The following SHANK2 variants were observed in gnomAD, a reference collection of about 807,000 sequenced individuals.
SHANK2 encodes the protein SH3 and multiple ankyrin repeat domains protein 2.
In SHANK2, 43 loss-of-function variants were observed where a neutral mutation model predicts 133.7. The ratio of observed to expected loss-of-function variants is 0.32; its 90% CI spans 0.25 to 0.41. The LOEUF (loss-of-function observed/expected upper bound fraction) is 0.41. Ranked by LOEUF, SHANK2 falls within the 10% of genes least tolerant of loss-of-function variation. The pLI is 1.00. For synonymous variants in SHANK2, 1,017 were observed against 952.8 expected (o/e 1.07, Z -1.24); for missense variants, 1,994 against 2,235.8 (o/e 0.89, Z 2.18).
At chr11:71,195,570 G>C (rs948768588) in intron 2 of SHANK2, among the ~76,000 whole-genome samples, 7 of 152,088 alleles carry the variant, frequency 4.6e-5, no homozygotes, top group Non-Finnish European at 1.0e-4. Flanking sequence ...CAATTAATAA[G>C]GATTATTTAC....
chr11:70,496,170 T>C (rs1209936410), intron 21 of SHANK2, among the ~76,000 whole-genome samples: 2 of 152,064 alleles, frequency 1.3e-5, no homozygotes, highest in African/African-American at 4.8e-5. Context: ...TCTGCTGTGC[T>C]GTTGGCCATG....
At chr11:70,677,956 T>A (rs1269104669) in intron 15 of SHANK2, among the ~76,000 whole-genome samples, 1 of 152,194 alleles carries the variant, frequency 6.6e-6, no homozygotes, top group African/African-American at 2.4e-5. Context: ...TCCACTGGCA[T>A]CCTCACTGCC....
intron 17 of SHANK2, among the ~76,000 whole-genome samples, chr11:70,595,310 C>G (rs2060384857): frequency 6.6e-6 from 1 of 152,202 alleles, no homozygotes; most frequent in South Asian, 2.1e-4. Context: ...CCTCCAAGCG[C>G]CCCCTCGCAG....
At chr11:71,100,746 A>T (rs561339410) in intron 6 of SHANK2, among the ~76,000 whole-genome samples, 1 of 152,186 alleles carries the variant, frequency 6.6e-6, no homozygotes, top group South Asian at 2.1e-4. Flanking sequence ...ACACGCCTGT[A>T]GTCCCAGCTA....
At chr11:71,115,595 T>C (rs927488606) in intron 4 of SHANK2, among the ~76,000 whole-genome samples, 2 of 152,212 alleles carry the variant, frequency 1.3e-5, no homozygotes, top group Non-Finnish European at 2.9e-5. Context: ...CACTGCTCCA[T>C]GAACACTTCC....
At chr11:70,845,178 G>A (rs1359990092) in intron 11 of SHANK2, among the ~76,000 whole-genome samples, 12 of 116,880 alleles carry the variant, frequency 1.0e-4, no homozygotes, top group African/African-American at 4.0e-4. Context: ...CAGCCTGGGT[G>A]ACAGAGCAAG....
chr11:70,596,194 C>T (rs901363988), intron 17 of SHANK2, among the ~76,000 whole-genome samples: 42 of 152,186 alleles, frequency 2.8e-4, no homozygotes, highest in African/African-American at 8.2e-4. Flanking sequence ...GCAGCCCAGG[C>T]GAGCCCCCTT....
chr11:70,858,424 C>T (rs964428706), intron 11 of SHANK2, among the ~76,000 whole-genome samples: 16 of 152,182 alleles, frequency 1.1e-4, no homozygotes, highest in African/African-American at 3.9e-4. Flanking sequence ...TAGTCTTTGC[C>T]ATCCACTCAG....
chr11:70,955,589 G>A (rs915374260), intron 10 of SHANK2, among the ~76,000 whole-genome samples: 1 of 152,164 alleles, frequency 6.6e-6, no homozygotes, highest in Non-Finnish European at 1.5e-5. Flanking sequence ...TTATTTTAAG[G>A]GATTGGTTTA....
chr11:70,630,299 A>AG, intron 17 of SHANK2, among the ~76,000 whole-genome samples: 1 of 152,314 alleles, frequency 6.6e-6, no homozygotes, highest in Non-Finnish European at 1.5e-5. Context: ...GTCAGCCCCC[A>AG]GGACAGGAAC....
At chr11:70,643,356 G>A (rs2061212909) in intron 17 of SHANK2, among the ~76,000 whole-genome samples, 1 of 152,160 alleles carries the variant, frequency 6.6e-6, no homozygotes, top group Non-Finnish European at 1.5e-5. Flanking sequence ...GAGGTCAGGA[G>A]ATCAAGACCA....
chr11:70,720,625 G>A (rs1026176102), intron 14 of SHANK2, among the ~76,000 whole-genome samples: 1 of 152,214 alleles, frequency 6.6e-6, no homozygotes, highest in Non-Finnish European at 1.5e-5. Context: ...AGTTGTTTAC[G>A]CTGTTCTTGG....
intron 3 of SHANK2, among the ~76,000 whole-genome samples, chr11:71,127,353 C>G (rs143948794): frequency 6.6e-6 from 1 of 152,202 alleles, no homozygotes; most frequent in East Asian, 1.9e-4. Context: ...TAAAGCAGTG[C>G]AGGGTTTGAG....
chr11:70,555,984 A>G (rs2059823455), intron 17 of SHANK2, among the ~76,000 whole-genome samples: 1 of 152,244 alleles, frequency 6.6e-6, no homozygotes, highest in African/African-American at 2.4e-5. Context: ...GTTGAAGGAA[A>G]GAAGCCATAT....
At chr11:70,885,430 C>A (rs1233487981) in intron 11 of SHANK2, among the ~76,000 whole-genome samples, 1 of 152,230 alleles carries the variant, frequency 6.6e-6, no homozygotes, top group Admixed American at 6.5e-5. Context: ...GTGGGACACA[C>A]TTCCCAGCAG....
At chr11:71,132,464 C>A (rs1389441796) in intron 3 of SHANK2, among the ~76,000 whole-genome samples, 10 of 152,144 alleles carry the variant, frequency 6.6e-5, no homozygotes, top group African/African-American at 2.4e-4. Flanking sequence ...TGTAGTAATT[C>A]CAGACCAAAG....
At chr11:70,939,373 G>T (rs1292388077) in intron 10 of SHANK2, among the ~76,000 whole-genome samples, 1 of 152,150 alleles carries the variant, frequency 6.6e-6, no homozygotes, top group African/African-American at 2.4e-5. Context: ...AGCTACTCGG[G>T]AGGCTGAGGA....
intron 14 of SHANK2, among the ~76,000 whole-genome samples, chr11:70,778,993 T>G (rs1947426811): frequency 6.6e-6 from 1 of 151,974 alleles, no homozygotes; most frequent in Admixed American, 6.6e-5. Context: ...ACAGGGTTGG[T>G]ACCCAGCATT....
chr11:71,070,043 A>G (rs2135964647), intron 9 of SHANK2, among the ~76,000 whole-genome samples: 2 of 152,340 alleles, frequency 1.3e-5, no homozygotes, highest in Admixed American at 1.3e-4. Context: ...CTCAGGAAGG[A>G]AAGAAGCTTT....
Sources: allele counts gnomAD v4.1 joint callset (sites outside exome capture counted in the v4.1 genomes callset), GRCh38; gene constraint gnomAD v4.1.1; transcripts MANE v1.5; gene names NCBI Gene and HGNC (gene_info 2026-07-23, HGNC 2026-07-21).